Variants in VAT1L observed in about 807,000 individuals in gnomAD.
The protein encoded by VAT1L is putative NADPH-dependent quinone oxidoreductase VAT1L.
In VAT1L, 34 loss-of-function variants were observed where a neutral mutation model predicts 44.1. The observed-to-expected ratio is 0.77, with a 90% CI of 0.59 to 1.03. The LOEUF is 1.03. Ranked by LOEUF, VAT1L falls within the 50% of genes least tolerant of loss-of-function variation. The pLI is 0.00. For synonymous variants in VAT1L, 253 were observed against 202.2 expected (o/e 1.25, Z -2.13); for missense variants, 615 against 538.8 (o/e 1.14, Z -1.40).
Position 77,876,395 on chromosome 16 carries a change from G to A in VAT1L, c.748G>A (p.Val250Ile), listed in dbSNP as rs200966564. 8 of 1,614,172 alleles carry A rather than the reference G, an allele frequency of 5.0e-6. No individual in the cohort carries two copies. The highest frequency in any genetic ancestry group is 2.2e-5 in the East Asian group (1 of 44,884). ...KRISAEGVDI[V>I]LDCLCGDNTG... ...AATCTCTGCTGAAGGTGTGGACATC[G>A]TTTTGGATTGCCTCTGTGGGGACAA... The change falls in exon 5 of 9, where the codon GTT (valine) becomes ATT (isoleucine). Residue 250 changes from valine (V) to isoleucine (I), a missense_variant. Transcript: ENST00000302536.
chr16:77,891,761 G>C (rs184847766), intron 7 of VAT1L, among the ~76,000 whole-genome samples: 2 of 152,290 alleles, frequency 1.3e-5, no homozygotes, highest in Admixed American at 1.3e-4. Context: ...ATCTGTCCCA[G>C]GACAAGAGGG....
intron 3 of VAT1L, among the ~76,000 whole-genome samples, chr16:77,838,168 T>G (rs905917946): frequency 5.3e-5 from 8 of 152,222 alleles, no homozygotes; most frequent in African/African-American, 1.9e-4. Context: ...CTTGGATACA[T>G]GCTGAGAACT....
intron 5 of VAT1L, among the ~76,000 whole-genome samples, chr16:77,877,512 C>CAAAAAAAAA (rs55704400): frequency 8.1e-5 from 7 of 86,820 alleles, no homozygotes; most frequent in East Asian, 2.5e-4. Flanking sequence ...GACTCTGTCT[C>CAAAAAAAAA]AAAAAAAAAA....
chr16:77,907,941 T>C (rs1286184423), intron 7 of VAT1L, among the ~76,000 whole-genome samples: 1 of 152,094 alleles, frequency 6.6e-6, no homozygotes, highest in Non-Finnish European at 1.5e-5. Flanking sequence ...CAGGCAATGA[T>C]AGAAAAGCCA....
intron 7 of VAT1L, among the ~76,000 whole-genome samples, chr16:77,886,370 G>GA (rs2017209720): frequency 6.6e-6 from 1 of 152,204 alleles, no homozygotes; most frequent in African/African-American, 2.4e-5. Context: ...GAATCATCAA[G>GA]AAAAAAGCTA....
At chr16:77,839,068 T>C (rs2016672777) in intron 3 of VAT1L, among the ~76,000 whole-genome samples, 1 of 151,930 alleles carries the variant, frequency 6.6e-6, no homozygotes, top group South Asian at 2.1e-4. Flanking sequence ...CAGTGGTAAT[T>C]GGTACTAGAG....
intron 3 of VAT1L, among the ~76,000 whole-genome samples, chr16:77,844,647 GATCC>G (rs902391515): frequency 4.0e-5 from 6 of 151,494 alleles, no homozygotes; most frequent in African/African-American, 1.5e-4. Context: ...GACCTCAGGT[GATCC>G]AGCCGTCTTA....
At chr16:77,789,735 A>G (rs2015799060) in intron 1 of VAT1L, among the ~76,000 whole-genome samples, 1 of 152,110 alleles carries the variant, frequency 6.6e-6, no homozygotes, top group African/African-American at 2.4e-5. Context: ...TCCTGGTCCC[A>G]TCTCAGAAGG....
At chr16:77,962,739 AGAAG>A (rs200754303) in intron 7 of VAT1L, among the ~76,000 whole-genome samples, 13,209 of 129,384 alleles carry the variant, frequency 0.1, 785 homozygotes, top group East Asian at 0.31. Flanking sequence ...AAAGAAGGAA[AGAAG>A]GAAGGAAGGA....
intron 3 of VAT1L, among the ~76,000 whole-genome samples, chr16:77,860,003 G>C (rs2016899610): frequency 6.6e-6 from 1 of 152,174 alleles, no homozygotes; most frequent in African/African-American, 2.4e-5. Flanking sequence ...ATCCAATATG[G>C]CTGGTGTCCT....
At chr16:77,875,250 G>C (rs1203925845) in intron 4 of VAT1L, among the ~76,000 whole-genome samples, 1 of 152,180 alleles carries the variant, frequency 6.6e-6, no homozygotes, top group Non-Finnish European at 1.5e-5. Context: ...CAGCTGCATA[G>C]GGAAGCTGAC....
At chr16:77,943,257 A>G (rs1400494645) in intron 7 of VAT1L, among the ~76,000 whole-genome samples, 1 of 149,412 alleles carries the variant, frequency 6.7e-6, no homozygotes, top group Non-Finnish European at 1.5e-5. Context: ...GGGTTTCACC[A>G]TGTTGGTCAG....
At chr16:77,902,644 CA>C (rs1308162560) in intron 7 of VAT1L, among the ~76,000 whole-genome samples, 1 of 144,088 alleles carries the variant, frequency 6.9e-6, no homozygotes, top group Admixed American at 7.4e-5. Context: ...GAAAATAGAT[CA>C]ATCAATCAAT....
chr16:77,970,352 G>A (rs185974421), intron 7 of VAT1L, among the ~76,000 whole-genome samples: 18 of 152,156 alleles, frequency 1.2e-4, no homozygotes, highest in African/African-American at 4.3e-4. Flanking sequence ...AAAGTTAAAA[G>A]GCATCCATTT....
In VAT1L at chr16:77,884,819, T is replaced by C. The variant is rs1452975829; in HGVS notation, c.1077+17T>C. The C allele has an allele frequency of 6.9e-7, 1 of 1,454,130 alleles. No homozygotes were observed. The highest frequency in any genetic ancestry group is 2.6e-5 in the East Asian group (1 of 39,040). 90.1% of individuals were successfully genotyped at this position (1,454,130 alleles called of 1,614,324 possible). A position where few individuals can be genotyped will look rare whatever the true frequency, so the allele number is the denominator to read the frequency against. ...CTGGAGGAGGTAAGAATGGTGCTTT[T>C]CTTCTGCAAATAAACTCCTCTTTTT... On this transcript the variant is annotated intron_variant, in intron 7 of 8. Coordinates refer to ENST00000302536, the MANE Select transcript of VAT1L (RefSeq NM_020927.3). The surrounding 1 kb of genome is among the most constrained non-coding windows in gnomAD (Gnocchi z 4.5).
chr16:77,825,439 T>C lies in VAT1L; in HGVS notation c.557T>C (p.Val186Ala). 6.3e-7 allele frequency: 1 copy of C among 1,597,142 alleles called. No homozygotes were observed. Among genetic ancestry groups the C allele is most frequent in the Non-Finnish European group, 8.5e-7 (1 of 1,170,806 alleles). ...CTCCGGGAAGGGATGTCTGTGCTCG[T>C]GCACTCAGCTGGTGGGGGCGTGGTA... ...ANLREGMSVL[V>A]HSAGGGVGQA... The change falls in exon 3 of 9, where the codon GTG (valine) becomes GCG (alanine). Residue 186 changes from valine to alanine, a missense_variant. Coordinates refer to ENST00000302536, the MANE Select transcript of VAT1L (RefSeq NM_020927.3).
At chr16:77,957,947 A>G (rs1456070668) in intron 7 of VAT1L, among the ~76,000 whole-genome samples, 2 of 152,018 alleles carry the variant, frequency 1.3e-5, no homozygotes, top group Non-Finnish European at 2.9e-5. Context: ...TTGCTCTGTC[A>G]CCCAGCCTGG....
rs185076515 is a variant in VAT1L, at chr16:77,910,499, C to T, written c.1077+25697C>T. On this transcript the variant is annotated intron_variant, in intron 7 of 8. Transcript: ENST00000302536. Reference sequence around the variant, plus strand: ...CATCCTGGCTAACACGGTGAAACCCCGTCTCTACTAAAAATACAAAAAATA... The same window carrying T: ...CATCCTGGCTAACACGGTGAAACCCTGTCTCTACTAAAAATACAAAAAATA... Among the ~76,000 whole-genome samples the T allele has an allele frequency of 1.9e-3, 282 of 151,922 alleles. 1 individual carries two copies. The highest frequency in any genetic ancestry group is 6.4e-3 in the African/African-American group (265 of 41,446).
rs374108929 is a variant in VAT1L, at chr16:77,817,026, G to A, written c.339G>A (p.Leu113=). Residue 113 remains leucine, a synonymous_variant, in exon 2 of 9, where the codon CTG becomes CTA. Coordinates refer to ENST00000302536, the MANE Select transcript of VAT1L (RefSeq NM_020927.3). ...AGTGTTCTGGGATTGTTGAAGCTCT[G>A]GGGGACAGCGTGAAAGGATATGAGG... ...GFECSGIVEA[L]GDSVKGYEIG... The A allele has an allele frequency of 3.7e-6, 6 of 1,613,832 alleles. No homozygotes were observed. The African/African-American group carries it at 8.0e-5, about 22-fold the overall frequency.
Sources: allele counts gnomAD v4.1 joint callset (sites outside exome capture counted in the v4.1 genomes callset), GRCh38; gene constraint gnomAD v4.1.1; non-coding constraint Gnocchi (gnomAD v3.1); transcripts MANE v1.5; gene names NCBI Gene and HGNC (gene_info 2026-07-23, HGNC 2026-07-21).